SCGB3A2: variants seen among roughly 807,000 people sequenced by gnomAD.
The protein encoded by SCGB3A2 is secretoglobin family 3A member 2, also known as pneumo secretory protein 1.
A neutral mutation model predicts 7.7 loss-of-function variants in SCGB3A2; 5 were observed. The observed-to-expected ratio is 0.65, with a 90% confidence interval of 0.34 to 1.36. The LOEUF is 1.36. SCGB3A2 is among the 40% of genes most tolerant of loss of function. The pLI is 0.04. For synonymous variants in SCGB3A2, 44 were observed against 42.7 expected (o/e 1.03, Z -0.12); for missense variants, 109 against 103.6 (o/e 1.05, Z -0.23).
Position 147,878,740 on chromosome 5 carries a change from C to A in SCGB3A2, c.-64C>A. On this transcript the variant is annotated 5_prime_UTR_variant, in exon 1 of 3. Coordinates refer to ENST00000296694, the MANE Select transcript of SCGB3A2 (RefSeq NM_054023.5). ...TTTGTATGGCAAGTGGAACCACTGG[C>A]TTGGTGGATTTTGCTAGATTTTTCT... is the stretch of plus-strand genomic sequence containing the variant. The A allele has an allele frequency of 3.1e-6, 4 of 1,283,610 alleles. No homozygotes were observed. Among genetic ancestry groups the A allele is most frequent in the African/African-American group, 1.5e-5 (1 of 68,556 alleles). 79.5% of individuals were successfully genotyped at this position (1,283,610 alleles called of 1,614,324 possible). A position where few individuals can be genotyped will look rare whatever the true frequency, so the allele number is the denominator to read the frequency against.
intron 1 of SCGB3A2, among the ~76,000 whole-genome samples, chr5:147,879,624 A>G (rs1179699551): frequency 6.6e-6 from 1 of 152,052 alleles, no homozygotes; most frequent in Non-Finnish European, 1.5e-5. Context: ...GAACTGATTT[A>G]TTTTTTTGGA....
intron 1 of SCGB3A2, among the ~76,000 whole-genome samples, chr5:147,879,805 A>C (rs777941919): frequency 6.6e-6 from 1 of 152,224 alleles, no homozygotes; most frequent in African/African-American, 2.4e-5. Flanking sequence ...AAGTATGGAG[A>C]TTAATAATGA....
chr5:147,878,800 T>C lies in SCGB3A2; in HGVS notation c.-4T>C, dbSNP rs1314530459. 1.1e-5 allele frequency: 17 copies of C among 1,612,042 alleles called. No homozygotes were observed. The highest frequency in any genetic ancestry group is 1.4e-5 in the Non-Finnish European group (17 of 1,178,288). ...ACTCCTGAAAAATATCCCAGATAAC[T>C]GTCATGAAGCTGGTAACTATCTTCC... is the stretch of plus-strand genomic sequence containing the variant. On this transcript the variant is annotated 5_prime_UTR_variant, in exon 1 of 3. Coordinates refer to ENST00000296694, the MANE Select transcript of SCGB3A2 (RefSeq NM_054023.5).
chr5:147,882,038 A>C lies in SCGB3A2; in HGVS notation c.270A>C (p.Ser90=). The change falls in exon 3 of 3, where the codon TCA becomes TCC. Residue 90 remains serine, a synonymous_variant. Transcript: ENST00000296694. ...EAVKKLLEAL[S]HLV is the part of the protein sequence containing the mutation. ...CTTCTACATTTCAGGAGGCGCTATC[A>C]CACTTGGTGTGACATCAAGATAAAG... 1 of 1,613,906 alleles carries C rather than the reference A, an allele frequency of 6.2e-7. No homozygotes were observed. The highest frequency in any genetic ancestry group is 8.5e-7 in the Non-Finnish European group (1 of 1,179,840).
rs757143528 is a variant in SCGB3A2, at chr5:147,881,540, GCTT to G, written c.156_158del (p.Leu53del). The G allele has an allele frequency of 1.2e-6, 2 of 1,614,022 alleles. No homozygotes were observed. Among genetic ancestry groups the G allele is most frequent in the Non-Finnish European group, 1.7e-6 (2 of 1,179,940 alleles). On this transcript the variant is annotated inframe_deletion, in exon 2 of 3. Coordinates refer to ENST00000296694, the MANE Select transcript of SCGB3A2 (RefSeq NM_054023.5). ...TTCTTCCCTTTATGGATCCATTAAA[GCTT>G]CTTCTGAAAACTCTGGGCATTTCTG...
intron 1 of SCGB3A2, among the ~76,000 whole-genome samples, chr5:147,880,342 A>G (rs980087087): frequency 6.6e-6 from 1 of 151,648 alleles, no homozygotes; most frequent in Non-Finnish European, 1.5e-5. Context: ...TGCCCTCAGG[A>G]AAAAAAAATC....
chr5:147,879,357 A>G (rs899162904), intron 1 of SCGB3A2, among the ~76,000 whole-genome samples: 8 of 152,154 alleles, frequency 5.3e-5, no homozygotes, highest in African/African-American at 9.7e-5. Flanking sequence ...TATCCACTCA[A>G]TGGATATTTA....
chr5:147,881,625 T>C lies in SCGB3A2; in HGVS notation c.235T>C (p.Ser79Pro), dbSNP rs779612264. The C allele has an allele frequency of 1.2e-6, 2 of 1,613,702 alleles. No homozygotes were observed. Among genetic ancestry groups the C allele is most frequent in the Non-Finnish European group, 1.7e-6 (2 of 1,179,820 alleles). ...KCVNELGPEA[S>P]EAVKKLLEAL... ...TGTAAATGAGCTGGGACCAGAGGCT[T>C]CTGAAGCTGTGAAGAAACTGCTGGT... The change falls in exon 2 of 3, where the codon TCT becomes CCT. Residue 79 changes from serine (S) to proline (P), a missense_variant. Ser to Pro is a moderately conservative substitution (Grantham distance 74). Coordinates refer to ENST00000296694, the MANE Select transcript of SCGB3A2 (RefSeq NM_054023.5).
chr5:147,882,035 A>G lies in SCGB3A2; in HGVS notation c.267A>G (p.Leu89=), dbSNP rs1306087197. The G allele has an allele frequency of 1.9e-6, 3 of 1,613,826 alleles. No homozygotes were observed. Among genetic ancestry groups the G allele is most frequent in the Admixed American group, 1.7e-5 (1 of 59,996 alleles). Residue 89 remains leucine (L), a synonymous_variant, in exon 3 of 3, where the codon CTA becomes CTG. Coordinates refer to ENST00000296694, the MANE Select transcript of SCGB3A2 (RefSeq NM_054023.5). ...GTCCTTCTACATTTCAGGAGGCGCT[A>G]TCACACTTGGTGTGACATCAAGATA... ...SEAVKKLLEA[L]SHLV
intron 2 of SCGB3A2, 103 bp from the exon 3 acceptor site, chr5:147,881,924 T>C (rs1757355078): frequency 5.6e-6 from 7 of 1,253,710 alleles, no homozygotes; most frequent in Non-Finnish European, 8.2e-6. Context: ...TGTTTCCCCA[T>C]CAGTAAAATA....
chr5:147,880,315 C>G (rs1757326584), intron 1 of SCGB3A2, among the ~76,000 whole-genome samples: 1 of 152,138 alleles, frequency 6.6e-6, no homozygotes, highest in Non-Finnish European at 1.5e-5. Flanking sequence ...TATGTAAAAG[C>G]CTTGATAGCG....
rs1580973505 is a variant in SCGB3A2, at chr5:147,879,007, A to C, written c.55+149A>C. 8.0e-6 allele frequency: 5 copies of C among 625,122 alleles called. No individual in the cohort carries two copies. In the South Asian group the frequency reaches 1.0e-4, roughly 13 times the overall value. 38.7% of individuals were successfully genotyped at this position (625,122 alleles called of 1,614,324 possible). A position where few individuals can be genotyped will look rare whatever the true frequency, so the allele number is the denominator to read the frequency against. ...ATTTTACTTTTAACTGACACATAATAATTGCACATATTTGCAGGGTTGGAA... is the reference window on the plus strand; with the variant it reads ...ATTTTACTTTTAACTGACACATAATCATTGCACATATTTGCAGGGTTGGAA... On this transcript the variant is annotated intron_variant, in intron 1 of 2. Transcript: ENST00000296694.
At chr5:147,881,114 A>G (rs1284167204) in intron 1 of SCGB3A2, 2 of 264,492 alleles carry the variant, frequency 7.6e-6, no homozygotes, top group South Asian at 1.4e-4. Context: ...AAATAAAGAC[A>G]ATAAAAACAG....
chr5:147,880,018 C>A (rs1197554143), intron 1 of SCGB3A2, among the ~76,000 whole-genome samples: 1 of 151,744 alleles, frequency 6.6e-6, no homozygotes, highest in Admixed American at 6.6e-5. Flanking sequence ...TTTGGAGGGA[C>A]AATAGGTGAT....
In SCGB3A2 at chr5:147,880,983, G is replaced by A. The variant is rs571017974; in HGVS notation, c.56-463G>A. On this transcript the variant is annotated intron_variant, in intron 1 of 2. Coordinates refer to ENST00000296694, the MANE Select transcript of SCGB3A2 (RefSeq NM_054023.5). ...AGACAGTCACATACAAAATACCATC[G>A]CCTTCAGACAATCACAATGATCTGT... 151 of 158,554 alleles carry A rather than the reference G, an allele frequency of 9.5e-4. 1 individual carries two copies. Among genetic ancestry groups the A allele is most frequent in the Non-Finnish European group, 1.7e-3 (120 of 72,246 alleles). The allele number at this position is 158,554 out of a possible 1,614,324, so 9.8% of individuals were successfully genotyped here.
intron 1 of SCGB3A2, 37 bp downstream of exon 1, chr5:147,878,895 T>A: frequency 6.8e-7 from 1 of 1,462,758 alleles, no homozygotes. Context: ...ATGTGACATT[T>A]CTTTACTTTT....
At chr5:147,879,067 A>C (rs545454286) in intron 1 of SCGB3A2, among the ~76,000 whole-genome samples, 9 of 152,240 alleles carry the variant, frequency 5.9e-5, no homozygotes, top group African/African-American at 2.2e-4. Flanking sequence ...GTGATGTTGG[A>C]AAGTATTTCA....
Position 147,882,187 on chromosome 5 carries a change from A to G in SCGB3A2, c.*137A>G, listed in dbSNP as rs1044343586. ...GTGAAAAGGACAAATAAAGCAATGA[A>G]TACATTTTCAGTCGTCCTATTTTTA... On this transcript the variant is annotated 3_prime_UTR_variant, in exon 3 of 3. Coordinates refer to ENST00000296694, the MANE Select transcript of SCGB3A2 (RefSeq NM_054023.5). 1 of 838,934 alleles carries G rather than the reference A, an allele frequency of 1.2e-6. No homozygotes were observed. The highest frequency in any genetic ancestry group is 2.0e-5 in the Admixed American group (1 of 48,806). 52.0% of individuals were successfully genotyped at this position (838,934 alleles called of 1,614,324 possible).
chr5:147,881,205 C>T (rs41291429), intron 1 of SCGB3A2: 76,170 of 479,832 alleles, frequency 0.16, 7,101 homozygotes, highest in Admixed American at 0.31. Context: ...CAGGCTTCTC[C>T]GAGGAGGTAA....
Sources: gnomAD v4.1 joint callset for allele counts (sites outside exome capture counted in the v4.1 genomes callset) on GRCh38, gnomAD v4.1.1 for gene constraint, MANE v1.5 for transcripts, NCBI Gene and HGNC (gene_info 2026-07-23, HGNC 2026-07-21) for gene names.